HIVEP3: variants seen among roughly 807,000 people sequenced by gnomAD.
HIVEP3 encodes transcription factor HIVEP3.
In HIVEP3, 49 loss-of-function variants were observed where a neutral mutation model predicts 152.8. The ratio of observed to expected loss-of-function variants is 0.32; its 90% confidence interval spans 0.26 to 0.41. The LOEUF (loss-of-function observed/expected upper bound fraction) is 0.41, where lower values mean the gene tolerates loss of function less well. Among genes scored for constraint, HIVEP3 ranks in the 10% least tolerant of loss-of-function variants. The pLI is 1.00. For synonymous variants in HIVEP3, 1,269 were observed against 1,289.0 expected (o/e 0.98, Z 0.33); for missense variants, 2,790 against 3,103.3 (o/e 0.90, Z 2.40).
chr1:41,857,785 C>T (rs1570680604), intron 1 of HIVEP3, among the ~76,000 whole-genome samples: 1 of 152,140 alleles, frequency 6.6e-6, no homozygotes, highest in Non-Finnish European at 1.5e-5. Flanking sequence ...AAGTTTTTCC[C>T]CTGCTACCTC....
intron 1 of HIVEP3, among the ~76,000 whole-genome samples, chr1:41,795,016 T>C (rs1237552040): frequency 1.3e-5 from 2 of 152,190 alleles, no homozygotes; most frequent in Non-Finnish European, 2.9e-5. Context: ...TAACCTCAAA[T>C]GGACCTAAGA....
chr1:41,515,349 G>T (rs1416017345), intron 7 of HIVEP3, among the ~76,000 whole-genome samples: 1 of 152,256 alleles, frequency 6.6e-6, no homozygotes, highest in Non-Finnish European at 1.5e-5. Context: ...AAGCTATGGG[G>T]TGGAGCTGGG....
At chr1:41,993,475 G>A (rs1303458829) in intron 1 of HIVEP3, among the ~76,000 whole-genome samples, 1 of 151,564 alleles carries the variant, frequency 6.6e-6, no homozygotes, top group East Asian at 1.9e-4. Context: ...AGTTAGAATG[G>A]CAATCATTAA....
intron 2 of HIVEP3, among the ~76,000 whole-genome samples, chr1:41,649,442 T>A (rs563993962): frequency 3.5e-4 from 54 of 152,302 alleles, no homozygotes; most frequent in Non-Finnish European, 6.0e-4. Context: ...CTGCAAGAAA[T>A]CCCTCTAAAA....
At chr1:41,961,979 T>C (rs1400942542) in intron 1 of HIVEP3, among the ~76,000 whole-genome samples, 1 of 152,252 alleles carries the variant, frequency 6.6e-6, no homozygotes, top group African/African-American at 2.4e-5. Flanking sequence ...ATAGAAAATA[T>C]TCCCAGCAAA....
chr1:41,570,930 T>C (rs77774453), intron 5 of HIVEP3, among the ~76,000 whole-genome samples: 4,194 of 152,238 alleles, frequency 0.028, 190 homozygotes, highest in African/African-American at 0.097. Flanking sequence ...AATCTGGCAA[T>C]ATGGCCCTTC....
At chr1:41,808,914 T>C (rs1286474803) in intron 1 of HIVEP3, among the ~76,000 whole-genome samples, 1 of 152,258 alleles carries the variant, frequency 6.6e-6, no homozygotes, top group Non-Finnish European at 1.5e-5. Context: ...ATGTGTTCTA[T>C]GATTTAATTC....
At chr1:41,759,105 C>T (rs1172538873) in intron 1 of HIVEP3, among the ~76,000 whole-genome samples, 1 of 151,902 alleles carries the variant, frequency 6.6e-6, no homozygotes, top group Non-Finnish European at 1.5e-5. Flanking sequence ...CCCCATTTCC[C>T]CCTTTCCAGC....
chr1:41,887,633 A>G (rs555927647), intron 1 of HIVEP3, among the ~76,000 whole-genome samples: 1 of 152,330 alleles, frequency 6.6e-6, no homozygotes, highest in African/African-American at 2.4e-5. Context: ...GGATACCATC[A>G]CTGCAGCCAG....
intron 1 of HIVEP3, among the ~76,000 whole-genome samples, chr1:42,013,189 T>C (rs1379570356): frequency 6.6e-6 from 1 of 152,200 alleles, no homozygotes; most frequent in Non-Finnish European, 1.5e-5. Context: ...CTTCTCTGTA[T>C]GCATGGCTCT....
chr1:41,617,852 C>T (rs1644990983), intron 3 of HIVEP3, among the ~76,000 whole-genome samples: 1 of 150,970 alleles, frequency 6.6e-6, no homozygotes, highest in Non-Finnish European at 1.5e-5. Context: ...ATGCCAATGG[C>T]TTTGGAACTG....
intron 1 of HIVEP3, among the ~76,000 whole-genome samples, chr1:41,850,461 A>T (rs924660615): frequency 7.2e-5 from 11 of 152,236 alleles, no homozygotes; most frequent in African/African-American, 2.7e-4. Flanking sequence ...GGTAACTTGC[A>T]CACAGAAACA....
At chr1:41,628,035 G>A (rs1267800513) in intron 3 of HIVEP3, among the ~76,000 whole-genome samples, 8 of 152,116 alleles carry the variant, frequency 5.3e-5, no homozygotes, top group Non-Finnish European at 7.4e-5. Flanking sequence ...CACCTAACCT[G>A]TACTGAAGCC....
At chr1:41,709,697 A>T (rs891184568) in intron 1 of HIVEP3, among the ~76,000 whole-genome samples, 1 of 152,186 alleles carries the variant, frequency 6.6e-6, no homozygotes, top group African/African-American at 2.4e-5. Context: ...TTGGAGTCTT[A>T]GGCAGGGAAA....
chr1:41,857,729 C>T (rs1570680510), intron 1 of HIVEP3, among the ~76,000 whole-genome samples: 1 of 152,154 alleles, frequency 6.6e-6, no homozygotes, highest in Non-Finnish European at 1.5e-5. Flanking sequence ...AAAGGACTTG[C>T]TCAAAGTCAT....
intron 1 of HIVEP3, among the ~76,000 whole-genome samples, chr1:41,716,805 G>A (rs1646600675): frequency 6.6e-6 from 1 of 152,208 alleles, no homozygotes. Flanking sequence ...GGCTGGGGCA[G>A]GAGAGGGAGA....
At chr1:41,931,794 A>T (rs562356775) in intron 1 of HIVEP3, among the ~76,000 whole-genome samples, 1 of 152,164 alleles carries the variant, frequency 6.6e-6, no homozygotes, top group East Asian at 1.9e-4. Flanking sequence ...AAGAAATACA[A>T]TTGACTTTGT....
At chr1:41,819,944 T>C (rs1471694565) in intron 1 of HIVEP3, among the ~76,000 whole-genome samples, 15 of 152,176 alleles carry the variant, frequency 9.9e-5, no homozygotes, top group Admixed American at 7.9e-4. Context: ...GTCTCTGTCA[T>C]GGCTACTCAA....
chr1:41,513,727 C>G lies in HIVEP3; in HGVS notation c.5494G>C (p.Asp1832His). Residue 1832 changes from aspartate (D) to histidine (H), a missense_variant, in exon 8 of 9, where the codon GAC (aspartate) becomes CAC (histidine). Physicochemically the swap from Asp to His is moderately conservative, Grantham distance 81 (BLOSUM62 -1). Coordinates refer to ENST00000372583, the MANE Select transcript of HIVEP3 (RefSeq NM_024503.5). The stretch of plus-strand genomic sequence containing the variant: ...TCTGAACCCTCTCGTCCTTCCGAGT[C>G]CTGGAACAGGTCGTCACTGGTTCCT... Reference protein sequence around the residue: ...EEGTSDDLFQDSEGREGSEAV... With the variant: ...EEGTSDDLFQHSEGREGSEAV... 6.3e-7 allele frequency: 1 copy of G among 1,581,256 alleles called. No homozygotes were observed. Among genetic ancestry groups the G allele is most frequent in the Non-Finnish European group, 8.6e-7 (1 of 1,164,264 alleles).
Sources: gnomAD v4.1 joint callset for allele counts (sites outside exome capture counted in the v4.1 genomes callset) on GRCh38, gnomAD v4.1.1 for gene constraint, MANE v1.5 for transcripts, NCBI Gene and HGNC (gene_info 2026-07-23, HGNC 2026-07-21) for gene names.